The following BARX2 variants were observed in gnomAD, a reference collection of about 807,000 sequenced individuals.
BARX2 encodes homeobox protein BarH-like 2.
BARX2 carries 11 observed loss-of-function variants against 25.5 expected under a neutral mutation model. The observed-to-expected ratio is 0.43, with a 90% CI of 0.27 to 0.71. BARX2 has a LOEUF of 0.71. Ranked by LOEUF, BARX2 falls within the 30% of genes least tolerant of loss-of-function variation. BARX2 has a pLI of 0.19. For missense variants in BARX2, 360 were observed against 359.9 expected (o/e 1.00, Z 0.00); for synonymous variants, 137 against 149.5 (o/e 0.92, Z 0.61).
chr11:129,443,755 T>C (rs1490143487), intron 3 of BARX2, among the ~76,000 whole-genome samples: 1 of 152,224 alleles, frequency 6.6e-6, no homozygotes, highest in Non-Finnish European at 1.5e-5. Flanking sequence ...AAAAGGGCAC[T>C]ATTAAATCAA....
intron 1 of BARX2, among the ~76,000 whole-genome samples, chr11:129,432,746 C>T (rs1026770374): frequency 6.6e-6 from 1 of 152,152 alleles, no homozygotes; most frequent in African/African-American, 2.4e-5. Context: ...ACTTATAACT[C>T]ATTTAATGTA....
chr11:129,405,401 A>G (rs1861819633), intron 1 of BARX2, among the ~76,000 whole-genome samples: 1 of 152,044 alleles, frequency 6.6e-6, no homozygotes, highest in Non-Finnish European at 1.5e-5. Context: ...TGGGATCCCC[A>G]TTTGTCCCCT....
intron 1 of BARX2, among the ~76,000 whole-genome samples, chr11:129,402,482 A>C (rs775043690): frequency 1.3e-5 from 2 of 152,218 alleles, no homozygotes; most frequent in Non-Finnish European, 2.9e-5. Flanking sequence ...AAATCAGTGC[A>C]TGACTAGGCA....
intron 2 of BARX2, among the ~76,000 whole-genome samples, chr11:129,438,772 C>T (rs1004187498): frequency 4.6e-5 from 7 of 152,164 alleles, no homozygotes; most frequent in Non-Finnish European, 7.3e-5. Context: ...GGAACAAAGA[C>T]GCAGCAAGCC....
Position 129,424,099 on chromosome 11 carries a change from T to C in BARX2, c.188-12652T>C, listed in dbSNP as rs184627965. ...TCTTGACCTTGTGATCCTCCCACCT[T>C]GGCCTCCCAAAGTGTTGGGATTACA... On this transcript the variant is annotated intron_variant, in intron 1 of 3. Coordinates refer to ENST00000281437, the MANE Select transcript of BARX2 (RefSeq NM_003658.5). Among the ~76,000 whole-genome samples the C allele has an allele frequency of 4.3e-3, 652 of 152,352 alleles. 4 individuals carry two copies. The highest frequency in any genetic ancestry group is 7.9e-3 in the Non-Finnish European group (539 of 68,032).
intron 1 of BARX2, among the ~76,000 whole-genome samples, chr11:129,385,349 T>A (rs955900349): frequency 6.6e-6 from 1 of 152,214 alleles, no homozygotes; most frequent in African/African-American, 2.4e-5. Flanking sequence ...TGTAAAAATG[T>A]TCACCTGTGT....
intron 1 of BARX2, among the ~76,000 whole-genome samples, chr11:129,433,887 T>A (rs141816742): frequency 1.2e-4 from 19 of 152,324 alleles, no homozygotes; most frequent in African/African-American, 4.6e-4. Context: ...GGATGTAAGC[T>A]CCATGAAGGT....
At chr11:129,423,763 C>T (rs543214437) in intron 1 of BARX2, among the ~76,000 whole-genome samples, 2 of 152,250 alleles carry the variant, frequency 1.3e-5, no homozygotes, top group South Asian at 4.1e-4. Context: ...CTATATAATG[C>T]CTGTCTCTTC....
chr11:129,451,046 T>A, intron 3 of BARX2, 90 bp from the exon 4 acceptor site: 4 of 1,488,868 alleles, frequency 2.7e-6, no homozygotes, highest in Non-Finnish European at 1.8e-6. Flanking sequence ...GAACAGATGG[T>A]TTAGATGCAA....
At chr11:129,401,762 C>T (rs1861777719) in intron 1 of BARX2, among the ~76,000 whole-genome samples, 2 of 152,084 alleles carry the variant, frequency 1.3e-5, no homozygotes, top group South Asian at 2.1e-4. Flanking sequence ...TGGAGACCAG[C>T]CTGGCCAACA....
chr11:129,387,229 G>T (rs1861624748), intron 1 of BARX2, among the ~76,000 whole-genome samples: 1 of 152,160 alleles, frequency 6.6e-6, no homozygotes, highest in Non-Finnish European at 1.5e-5. Context: ...AACTAGCCAG[G>T]CTTGGGGCTG....
intron 1 of BARX2, among the ~76,000 whole-genome samples, chr11:129,420,471 T>C (rs552254955): frequency 1.1e-3 from 169 of 152,346 alleles, no homozygotes; most frequent in African/African-American, 4.0e-3. Flanking sequence ...TGTGTGACTT[T>C]GTTTAATGCC....
At chr11:129,385,651 G>A (rs537781582) in intron 1 of BARX2, among the ~76,000 whole-genome samples, 264 of 152,160 alleles carry the variant, frequency 1.7e-3, no homozygotes, top group Non-Finnish European at 3.1e-3. Flanking sequence ...CTAACCACAG[G>A]TTTTTATTTT....
In BARX2 at chr11:129,403,576, G is replaced by T. The variant is rs140411495; in HGVS notation, c.187+27354G>T. Among the ~76,000 whole-genome samples the T allele has an allele frequency of 2.0e-3, 299 of 152,296 alleles. 2 individuals are homozygous for T. The highest frequency in any genetic ancestry group is 7.0e-3 in the African/African-American group (291 of 41,552). ...CCATTTTACGTTTGCCATACAACTG[G>T]CTGGCATTTCCTACTATAGATTTTA... On this transcript the variant is annotated intron_variant, in intron 1 of 3. Transcript: ENST00000281437.
chr11:129,388,766 T>G (rs1243754525), intron 1 of BARX2, among the ~76,000 whole-genome samples: 3 of 152,210 alleles, frequency 2.0e-5, no homozygotes, highest in Non-Finnish European at 4.4e-5. Flanking sequence ...ACCACAATAA[T>G]GTAGATAACA....
chr11:129,431,500 T>C (rs1862129282), intron 1 of BARX2, among the ~76,000 whole-genome samples: 1 of 152,262 alleles, frequency 6.6e-6, no homozygotes, highest in African/African-American at 2.4e-5. Context: ...CTAGCAGCTG[T>C]GTAACAGTAC....
intron 1 of BARX2, among the ~76,000 whole-genome samples, chr11:129,379,415 G>A (rs538547015): frequency 6.6e-6 from 1 of 152,260 alleles, no homozygotes; most frequent in South Asian, 2.1e-4. Context: ...AGAAATCAGC[G>A]ATGAGCTCTC....
At chr11:129,411,371 CAAAAAAA>C (rs34667411) in intron 1 of BARX2, among the ~76,000 whole-genome samples, 11 of 53,868 alleles carry the variant, frequency 2.0e-4, no homozygotes, top group African/African-American at 6.1e-4. Flanking sequence ...ACTCCATCTC[CAAAAAAA>C]AAAAAAAAAA....
At chr11:129,445,868 A>AAAACTCTTTTC (rs1005373012) in intron 3 of BARX2, among the ~76,000 whole-genome samples, 1 of 142,192 alleles carries the variant, frequency 7.0e-6, no homozygotes, top group Admixed American at 7.1e-5. Context: ...GTTTCCCAGT[A>AAAACTCTTTTC]AAACTCTTTT....
Sources: gnomAD v4.1 joint callset for allele counts (sites outside exome capture counted in the v4.1 genomes callset) on GRCh38, gnomAD v4.1.1 for gene constraint, MANE v1.5 for transcripts, NCBI Gene and HGNC (gene_info 2026-07-23, HGNC 2026-07-21) for gene names.